The following RTL9 variants were observed in gnomAD, a reference collection of about 807,000 sequenced individuals.
RTL9 encodes retrotransposon Gag like 9.
In RTL9, 19 loss-of-function variants were observed where a neutral mutation model predicts 44.7. The observed-to-expected ratio is 0.42, with a 90% CI of 0.30 to 0.62. RTL9 has a LOEUF of 0.62. Ranked by LOEUF, RTL9 falls within the 20% of genes least tolerant of loss-of-function variation. The probability of loss-of-function intolerance (pLI) is 0.16; values close to 1 mark genes in which losing one functional copy is unlikely to be tolerated. For missense variants in RTL9, 1,105 were observed against 1,080.6 expected (o/e 1.02, Z -0.32); for synonymous variants, 407 against 398.9 (o/e 1.02, Z -0.24).
chrX:110,453,183 G>A (rs1284489923), exon 1 of RTL9: 2 of 1,212,037 alleles, frequency 1.7e-6, no homozygotes, highest in Non-Finnish European at 2.2e-6. Flanking sequence ...CACAGCCTCT[G>A]GAGGGATGTC....
intron 1 of RTL9, among the ~76,000 whole-genome samples, chrX:110,372,367 G>A (rs988713988): frequency 1.7e-4 from 19 of 112,450 alleles, no homozygotes; most frequent in South Asian, 3.7e-4. Context: ...AAGTGGCACC[G>A]TTCTTCACAT....
chrX:110,404,920 C>T (rs1177686789), intron 1 of RTL9, among the ~76,000 whole-genome samples: 1 of 111,855 alleles, frequency 8.9e-6, no homozygotes, highest in African/African-American at 3.3e-5. Context: ...GTAGCATTTT[C>T]GGAAGCAAAT....
chrX:110,433,320 T>C (rs937431109), intron 1 of RTL9, among the ~76,000 whole-genome samples: 1 of 112,153 alleles, frequency 8.9e-6, no homozygotes, highest in African/African-American at 3.2e-5. Flanking sequence ...AACTCTTAGA[T>C]ACCAAGTCCA....
chrX:110,412,625 G>A (rs184298058), intron 1 of RTL9, among the ~76,000 whole-genome samples: 1 of 112,318 alleles, frequency 8.9e-6, no homozygotes, highest in Non-Finnish European at 1.9e-5. Context: ...ATAGGACCTG[G>A]CACAGAGCAT....
rs1414529317 is a variant in RTL9, at chrX:110,384,379, A to G, written c.-168+25463A>G. Among the ~76,000 whole-genome samples, 3 of 111,254 alleles carry G rather than the reference A, an allele frequency of 2.7e-5. No individual in the cohort carries two copies. The East Asian group carries it at 8.4e-4, about 31-fold the overall frequency. The stretch of plus-strand genomic sequence containing the variant: ...AATCTTCCTGAGCCTCAGTTTCCTC[A>G]TCTATAAAATGAGGATGATAATAAG... On this transcript the variant is annotated intron_variant, in intron 1 of 2. Transcript: ENST00000520821.
chrX:110,364,683 G>T (rs2068285543), intron 1 of RTL9, among the ~76,000 whole-genome samples: 1 of 111,581 alleles, frequency 9.0e-6, no homozygotes, highest in Non-Finnish European at 1.9e-5. Context: ...CTGATGAATG[G>T]ATCCTGAATA....
At chrX:110,439,517 T>C (rs1270359601) in intron 1 of RTL9, among the ~76,000 whole-genome samples, 3 of 112,332 alleles carry the variant, frequency 2.7e-5, no homozygotes, top group Non-Finnish European at 5.6e-5. Context: ...GCAGGGGCTG[T>C]GCTCACAATA....
chrX:110,370,179 C>G (rs2068327838), intron 1 of RTL9, among the ~76,000 whole-genome samples: 2 of 111,265 alleles, frequency 1.8e-5, no homozygotes, highest in African/African-American at 6.5e-5. Context: ...TCTATTCTGT[C>G]TCTCTCTTTT....
intron 1 of RTL9, among the ~76,000 whole-genome samples, chrX:110,435,104 AG>A (rs1327515425): frequency 4.3e-5 from 1 of 23,199 alleles, no homozygotes; most frequent in African/African-American, 1.8e-4. Flanking sequence ...GGAAGGAGGG[AG>A]GGGGGAGGAG....
intron 1 of RTL9, among the ~76,000 whole-genome samples, chrX:110,413,510 G>T (rs889076666): frequency 9.3e-6 from 1 of 107,232 alleles, no homozygotes; most frequent in African/African-American, 3.4e-5. Context: ...TCCCCTCCTG[G>T]TCAACCCCCC....
At chrX:110,377,834 C>T (rs1194430337) in intron 1 of RTL9, among the ~76,000 whole-genome samples, 2 of 107,811 alleles carry the variant, frequency 1.9e-5, no homozygotes, top group African/African-American at 3.4e-5. Flanking sequence ...ACGGTGAAAC[C>T]CCGTCTCTAC....
chrX:110,362,186 CA>C (rs997746793), intron 1 of RTL9, among the ~76,000 whole-genome samples: 1 of 111,820 alleles, frequency 8.9e-6, no homozygotes, highest in African/African-American at 3.2e-5. Context: ...GAATCCTGAA[CA>C]AAATCTAGCT....
intron 1 of RTL9, among the ~76,000 whole-genome samples, chrX:110,386,630 T>G (rs1423660312): frequency 9.0e-6 from 1 of 111,050 alleles, no homozygotes; most frequent in Non-Finnish European, 1.9e-5. Context: ...TTCTGTGTAA[T>G]TTTTTTTCAT....
intron 1 of RTL9, among the ~76,000 whole-genome samples, chrX:110,427,436 A>G (rs2068762314): frequency 8.9e-6 from 1 of 111,886 alleles, no homozygotes; most frequent in Non-Finnish European, 1.9e-5. Context: ...AGAAACTCTG[A>G]GAGTGCTCAC....
intron 1 of RTL9, among the ~76,000 whole-genome samples, chrX:110,421,032 T>C (rs1283920028): frequency 1.8e-5 from 2 of 111,984 alleles, no homozygotes; most frequent in African/African-American, 3.3e-5. Flanking sequence ...GTCATTGATA[T>C]TTGCGTGAAA....
At chrX:110,449,200 T>C (rs2068925550), upstream of RTL9, among the ~76,000 whole-genome samples, 1 of 110,961 alleles carries the variant, frequency 9.0e-6, no homozygotes, top group African/African-American at 3.3e-5. Flanking sequence ...AGGCAAACTA[T>C]TAAGCTTCTC....
chrX:110,407,259 T>C (rs1156634299), intron 1 of RTL9, among the ~76,000 whole-genome samples: 1 of 112,320 alleles, frequency 8.9e-6, no homozygotes, highest in Admixed American at 9.4e-5. Context: ...AAATACATTC[T>C]CAATGGCTGG....
At chrX:110,409,082 G>T (rs2068623160) in intron 1 of RTL9, among the ~76,000 whole-genome samples, 1 of 111,709 alleles carries the variant, frequency 9.0e-6, no homozygotes, top group South Asian at 3.8e-4. Flanking sequence ...CTAATTAACT[G>T]AGGTGCTTAT....
At chrX:110,405,092 C>A (rs771737327) in intron 1 of RTL9, among the ~76,000 whole-genome samples, 3 of 90,645 alleles carry the variant, frequency 3.3e-5, no homozygotes, top group Admixed American at 1.2e-4. Flanking sequence ...GTTGTGTCCC[C>A]CCCCCCCCCA....
Sources: allele counts gnomAD v4.1 joint callset (sites outside exome capture counted in the v4.1 genomes callset), GRCh38; gene constraint gnomAD v4.1.1; transcripts MANE v1.5; gene names NCBI Gene and HGNC (gene_info 2026-07-23, HGNC 2026-07-21).